Variants in AGAP1 observed in about 807,000 individuals in gnomAD.
AGAP1 encodes the protein arf-GAP with GTPase, ANK repeat and PH domain-containing protein 1.
AGAP1 carries 29 observed loss-of-function variants against 105.3 expected under a neutral mutation model. The observed-to-expected ratio is 0.28, with a 90% CI of 0.21 to 0.38. AGAP1 has a LOEUF of 0.38. Ranked by LOEUF, AGAP1 falls within the 10% of genes least tolerant of loss-of-function variation. The probability of loss-of-function intolerance (pLI) is 1.00; values close to 1 mark genes in which losing one functional copy is unlikely to be tolerated. For missense variants in AGAP1, 998 were observed against 1,165.1 expected (o/e 0.86, Z 2.09); for synonymous variants, 509 against 485.9 (o/e 1.05, Z -0.63).
At chr2:235,520,242 C>G (rs929385132) in intron 1 of AGAP1, among the ~76,000 whole-genome samples, 2 of 152,126 alleles carry the variant, frequency 1.3e-5, no homozygotes, top group African/African-American at 2.4e-5. Context: ...CAGTCTGTGC[C>G]CACATTTCCA....
At chr2:235,686,556 T>TACACACAC (rs10700794) in intron 1 of AGAP1, among the ~76,000 whole-genome samples, 1,581 of 101,782 alleles carry the variant, frequency 0.016, 56 homozygotes, top group African/African-American at 0.055. Context: ...GATATATATA[T>TACACACAC]ACACACACAC....
chr2:235,497,169 C>T (rs566328896), intron 1 of AGAP1, among the ~76,000 whole-genome samples: 2 of 152,074 alleles, frequency 1.3e-5, no homozygotes, highest in African/African-American at 2.4e-5. Context: ...TATGGAGGAG[C>T]GGGTGGAGGT....
At chr2:235,853,047 T>C (rs1300396399) in intron 9 of AGAP1, 13 of 1,240,236 alleles carry the variant, frequency 1.0e-5, no homozygotes, top group South Asian at 4.2e-5. Flanking sequence ...TTAATTTCTA[T>C]AGCGGGCAAT....
chr2:236,123,624 A>G lies in AGAP1; in HGVS notation c.2371-295A>G, dbSNP rs1391085937. 2.6e-5 allele frequency among the ~76,000 whole-genome samples: 4 copies of G among 152,162 alleles called. No individual in the cohort carries two copies. Among genetic ancestry groups the G allele is most frequent in the South Asian group, 2.1e-4 (1 of 4,828 alleles). ...TCAAAACAATGATTTTCTTTGTGCAATTGGAAAGTCAAAATAGAAACAGCA... is the reference window on the plus strand; with the variant it reads ...TCAAAACAATGATTTTCTTTGTGCAGTTGGAAAGTCAAAATAGAAACAGCA... On this transcript the variant is annotated intron_variant, in intron 17 of 17. Transcript: ENST00000304032. The surrounding 1 kb of genome is among the most constrained non-coding windows in gnomAD (Gnocchi z 4.6).
intron 12 of AGAP1, among the ~76,000 whole-genome samples, chr2:235,933,265 T>G (rs916310216): frequency 1.4e-4 from 21 of 152,068 alleles, no homozygotes; most frequent in African/African-American, 4.8e-4. Context: ...TTGGGGCACT[T>G]CGGACAAAGA....
In AGAP1 at chr2:235,754,442, A is replaced by G. The variant is rs1170298794; in HGVS notation, c.673+3954A>G. Among the ~76,000 whole-genome samples the G allele has an allele frequency of 6.7e-6, 1 of 149,562 alleles. No individual in the cohort carries two copies. Among genetic ancestry groups the G allele is most frequent in the Non-Finnish European group, 1.5e-5 (1 of 67,308 alleles). ...GCTTGTAAATAAAAAAAAAAAAAAA[A>G]TCCAGCTGCTTCCATTGCCCTGCGG... On this transcript the variant is annotated intron_variant, in intron 6 of 17. Transcript: ENST00000304032. This position sits in a 1 kb window ranked among gnomAD's most constrained non-coding sequence, Gnocchi z 4.6.
At chr2:235,975,981 C>T (rs73996682) in intron 13 of AGAP1, among the ~76,000 whole-genome samples, 2,244 of 152,068 alleles carry the variant, frequency 0.015, 58 homozygotes, top group African/African-American at 0.052. Flanking sequence ...TTCATTATAG[C>T]AAATGTGGAA....
At chr2:235,841,820 A>G (rs1960885077) in intron 9 of AGAP1, among the ~76,000 whole-genome samples, 1 of 152,092 alleles carries the variant, frequency 6.6e-6, no homozygotes, top group South Asian at 2.1e-4. Context: ...TGAGAGCATA[A>G]GTTATATTCC....
chr2:235,737,979 C>T lies in AGAP1; in HGVS notation c.311-2984C>T, dbSNP rs1415957312. 1.3e-5 allele frequency among the ~76,000 whole-genome samples: 2 copies of T among 152,048 alleles called. No homozygotes were observed. Among genetic ancestry groups the T allele is most frequent in the Non-Finnish European group, 2.9e-5 (2 of 68,000 alleles). On this transcript the variant is annotated intron_variant, in intron 3 of 17. Transcript: ENST00000304032. The surrounding 1 kb of genome is among the most constrained non-coding windows in gnomAD (Gnocchi z 4.5). ...CTGGGGCAACCATCAGAGGGCAGGG[C>T]TGGAGCTGGGGCCCTGTAGGGCACT...
At chr2:235,651,375 G>C (rs1291882044) in intron 1 of AGAP1, among the ~76,000 whole-genome samples, 1 of 151,840 alleles carries the variant, frequency 6.6e-6, no homozygotes, top group Non-Finnish European at 1.5e-5. Context: ...TTTTGTTTTT[G>C]ACATACTCCA....
At chr2:236,098,218 A>G (rs975693569) in intron 16 of AGAP1, among the ~76,000 whole-genome samples, 1 of 152,162 alleles carries the variant, frequency 6.6e-6, no homozygotes, top group Admixed American at 6.6e-5. Context: ...GGATTGCTGG[A>G]CTATACACTA....
intron 1 of AGAP1, among the ~76,000 whole-genome samples, chr2:235,669,398 G>T (rs1010839685): frequency 6.6e-6 from 1 of 152,106 alleles, no homozygotes; most frequent in Non-Finnish European, 1.5e-5. Flanking sequence ...CAGAGTGGGC[G>T]TGGTTTTAGG....
chr2:235,722,762 T>G lies in AGAP1; in HGVS notation c.310+5118T>G, dbSNP rs1261808596. Among the ~76,000 whole-genome samples the G allele has an allele frequency of 2.0e-5, 3 of 152,184 alleles. 1 individual carries two copies. The highest frequency in any genetic ancestry group is 7.2e-5 in the African/African-American group (3 of 41,428). On this transcript the variant is annotated intron_variant, in intron 3 of 17. Coordinates refer to ENST00000304032, the MANE Select transcript of AGAP1 (RefSeq NM_001037131.3). ...GGGGATACAATTCAACCCACAGCAG[T>G]GTGTGTTATATACCTGTGATGTTCT...
chr2:235,816,637 T>G (rs1238961423), intron 9 of AGAP1, among the ~76,000 whole-genome samples: 1 of 152,118 alleles, frequency 6.6e-6, no homozygotes, highest in Non-Finnish European at 1.5e-5. Context: ...ACGCCTGTCA[T>G]GTCAGCACTT....
At chr2:236,039,716 G>A (rs568614847) in intron 14 of AGAP1, among the ~76,000 whole-genome samples, 9 of 151,900 alleles carry the variant, frequency 5.9e-5, no homozygotes, top group Admixed American at 2.0e-4. Context: ...AACAAGTTTC[G>A]TTAGGCTGGA....
Position 235,553,781 on chromosome 2 carries a change from T to G in AGAP1, c.163+58932T>G, listed in dbSNP as rs1259974199. Among the ~76,000 whole-genome samples the G allele has an allele frequency of 6.6e-6, 1 of 152,082 alleles. No homozygotes were observed. The highest frequency in any genetic ancestry group is 1.5e-5 in the Non-Finnish European group (1 of 68,022). On this transcript the variant is annotated intron_variant, in intron 1 of 17. Transcript: ENST00000304032. This position sits in a 1 kb window ranked among gnomAD's most constrained non-coding sequence, Gnocchi z 4.5. ...GGGCACCTCTGAGCACATGTGACAT[T>G]CGTAAGTGGCACTCCTCATGCTGAG...
intron 9 of AGAP1, among the ~76,000 whole-genome samples, chr2:235,878,428 T>TGGCAG (rs111759634): frequency 0.014 from 2,062 of 152,242 alleles, 36 homozygotes; most frequent in African/African-American, 0.047. Context: ...GGCTTGTTGG[T>TGGCAG]GGCAGCATGT....
At chr2:236,018,963 A>T (rs2056799514) in intron 13 of AGAP1, among the ~76,000 whole-genome samples, 1 of 152,178 alleles carries the variant, frequency 6.6e-6, no homozygotes, top group Non-Finnish European at 1.5e-5. Context: ...TTCATCACAG[A>T]TACAGCTTCG....
At chr2:235,641,315 C>CTCTT (rs1553594443) in intron 1 of AGAP1, among the ~76,000 whole-genome samples, 5 of 150,730 alleles carry the variant, frequency 3.3e-5, no homozygotes, top group Admixed American at 2.6e-4. Flanking sequence ...CTCTCTCTTT[C>CTCTT]TCTTTCTCCT....
Sources: allele counts gnomAD v4.1 joint callset (sites outside exome capture counted in the v4.1 genomes callset), GRCh38; gene constraint gnomAD v4.1.1; non-coding constraint Gnocchi (gnomAD v3.1); transcripts MANE v1.5; gene names NCBI Gene and HGNC (gene_info 2026-07-23, HGNC 2026-07-21).